The following GRIK2 variants were observed in gnomAD, a reference collection of about 807,000 sequenced individuals.
The protein encoded by GRIK2 is glutamate receptor ionotropic, kainate 2.
In GRIK2, 32 loss-of-function variants were observed where a neutral mutation model predicts 100.3. The observed-to-expected ratio is 0.32, with a 90% confidence interval of 0.24 to 0.43. The LOEUF is 0.43. Ranked by LOEUF, GRIK2 falls within the 20% of genes least tolerant of loss-of-function variation. The pLI is 1.00. For synonymous variants in GRIK2, 417 were observed against 389.4 expected, an observed-to-expected ratio of 1.07 and a Z score of -0.83; for missense variants, 843 against 1,114.9, an observed-to-expected ratio of 0.76 and a Z score of 3.47.
In GRIK2 at chr6:101,682,538, T is replaced by A. The variant is rs1309218203; in HGVS notation, c.724-15T>A. 2 of 1,156,990 alleles carry A rather than the reference T, an allele frequency of 1.7e-6. No homozygotes were observed. The highest frequency in any genetic ancestry group is 2.6e-6 in the Non-Finnish European group (2 of 772,796). 71.7% of individuals were successfully genotyped at this position (1,156,990 alleles called of 1,614,324 possible). A position where few individuals can be genotyped will look rare whatever the true frequency, so the allele number is the denominator to read the frequency against. On this transcript the variant is annotated splice_polypyrimidine_tract_variant and intron_variant, in intron 5 of 16. Coordinates refer to ENST00000369134, the MANE Select transcript of GRIK2 (RefSeq NM_021956.5). ...CCTGAAATATGTACCTTCAGTAATT[T>A]TTTTTTTTCCTTAGGCATTAGCTAT...
chr6:101,615,527 C>T (rs1779851566), intron 2 of GRIK2, among the ~76,000 whole-genome samples: 1 of 151,678 alleles, frequency 6.6e-6, no homozygotes, highest in Non-Finnish European at 1.5e-5. Flanking sequence ...TCATATAGGT[C>T]TTATGAGTCC....
At chr6:101,999,619 A>G (rs931454603) in intron 14 of GRIK2, among the ~76,000 whole-genome samples, 16 of 152,004 alleles carry the variant, frequency 1.1e-4, no homozygotes, top group Non-Finnish European at 2.1e-4. Flanking sequence ...GTAGAGTAAT[A>G]TGTTGTCTAT....
At chr6:101,453,876 A>C (rs907968390) in intron 2 of GRIK2, among the ~76,000 whole-genome samples, 19 of 152,098 alleles carry the variant, frequency 1.2e-4, no homozygotes, top group Non-Finnish European at 1.6e-4. Context: ...AAAATGTAGA[A>C]TTGCTAAATT....
intron 4 of GRIK2, among the ~76,000 whole-genome samples, chr6:101,657,579 C>T (rs1769287666): frequency 6.6e-6 from 1 of 152,022 alleles, no homozygotes. Flanking sequence ...AAGCAATGGC[C>T]AATTTGAGTA....
At chr6:101,527,419 G>T (rs1476747233) in intron 2 of GRIK2, among the ~76,000 whole-genome samples, 1 of 151,912 alleles carries the variant, frequency 6.6e-6, no homozygotes, top group African/African-American at 2.4e-5. Flanking sequence ...ATCCCCCAAA[G>T]CTCACCAAAA....
chr6:101,757,874 GT>G (rs1039688910), intron 7 of GRIK2, among the ~76,000 whole-genome samples: 2 of 152,164 alleles, frequency 1.3e-5, no homozygotes, highest in Non-Finnish European at 2.9e-5. Flanking sequence ...CATTTTAGTA[GT>G]TTTTTTCTGC....
At chr6:101,739,813 G>A (rs1356935038) in intron 7 of GRIK2, among the ~76,000 whole-genome samples, 2 of 152,096 alleles carry the variant, frequency 1.3e-5, no homozygotes, top group Non-Finnish European at 1.5e-5. Context: ...TTGCCAGTAT[G>A]TGTCATGTTT....
At chr6:102,011,561 T>A (rs1361924974) in intron 14 of GRIK2, among the ~76,000 whole-genome samples, 1 of 148,794 alleles carries the variant, frequency 6.7e-6, no homozygotes, top group Non-Finnish European at 1.5e-5. Flanking sequence ...TATTTCTTTT[T>A]TTTTTCTTTC....
At chr6:101,898,981 T>G (rs931047390) in intron 12 of GRIK2, among the ~76,000 whole-genome samples, 11 of 151,904 alleles carry the variant, frequency 7.2e-5, no homozygotes, top group African/African-American at 2.7e-4. Context: ...TCACAACACC[T>G]TAATTGCTAT....
intron 7 of GRIK2, among the ~76,000 whole-genome samples, chr6:101,696,112 C>T (rs998004999): frequency 3.3e-5 from 5 of 151,830 alleles, no homozygotes; most frequent in Non-Finnish European, 5.9e-5. Flanking sequence ...AAATGACACA[C>T]GTAACTGTAG....
intron 10 of GRIK2, among the ~76,000 whole-genome samples, chr6:101,832,690 A>G (rs1264460780): frequency 1.3e-5 from 2 of 152,230 alleles, no homozygotes; most frequent in African/African-American, 4.8e-5. Context: ...GTTTGCCTGC[A>G]TTAAGAGCCT....
At chr6:101,685,535 AG>A (rs1487102419) in intron 6 of GRIK2, among the ~76,000 whole-genome samples, 5 of 152,190 alleles carry the variant, frequency 3.3e-5, no homozygotes, top group Admixed American at 2.0e-4. Flanking sequence ...GGACAACTAA[AG>A]GGCAGAGCAA....
chr6:101,411,537 C>A (rs1482134794), intron 2 of GRIK2, among the ~76,000 whole-genome samples: 1 of 152,074 alleles, frequency 6.6e-6, no homozygotes, highest in Non-Finnish European at 1.5e-5. Flanking sequence ...AAAGATCTCA[C>A]ACACTGTGCT....
intron 2 of GRIK2, among the ~76,000 whole-genome samples, chr6:101,562,334 G>A (rs1478913463): frequency 6.6e-6 from 1 of 151,886 alleles, no homozygotes; most frequent in Admixed American, 6.6e-5. Flanking sequence ...CACACAGTTT[G>A]AGTTTTTGTT....
At chr6:101,557,181 C>A (rs1776787769) in intron 2 of GRIK2, among the ~76,000 whole-genome samples, 2 of 152,048 alleles carry the variant, frequency 1.3e-5, no homozygotes, top group South Asian at 2.1e-4. Context: ...TCATAACATG[C>A]ACTGTTAATT....
In GRIK2 at chr6:101,587,032, C is replaced by G. The variant is rs180861217; in HGVS notation, c.116-34917C>G. On this transcript the variant is annotated intron_variant, in intron 2 of 16. Coordinates refer to ENST00000369134, the MANE Select transcript of GRIK2 (RefSeq NM_021956.5). ...TCAATGGCAGCAAGAATCTTTTTGT[C>G]CATTTTATTCACAGGGTTGAGGATA... Among the ~76,000 whole-genome samples the G allele has an allele frequency of 5.7e-3, 863 of 151,802 alleles. 11 individuals carry two copies. Among genetic ancestry groups the G allele is most frequent in the African/African-American group, 0.02 (829 of 41,414 alleles).
At chr6:101,924,743 C>G in intron 13 of GRIK2, 24 bp downstream of exon 13, 1 of 1,373,460 alleles carries the variant, frequency 7.3e-7, no homozygotes, top group African/African-American at 1.4e-5. Flanking sequence ...CCTGCTATTT[C>G]CTTTGGGCAC....
chr6:101,857,555 C>T (rs1268742038), intron 10 of GRIK2, among the ~76,000 whole-genome samples: 3 of 152,120 alleles, frequency 2.0e-5, no homozygotes. Flanking sequence ...CTGTTGTTCT[C>T]CAGGGGTTGG....
chr6:101,720,241 A>C (rs1222961), intron 7 of GRIK2, among the ~76,000 whole-genome samples: 2,689 of 152,156 alleles, frequency 0.018, 81 homozygotes, highest in African/African-American at 0.062. Context: ...GAAAAAAATA[A>C]AAAATGTGTT....
Sources: gnomAD v4.1 joint callset for allele counts (sites outside exome capture counted in the v4.1 genomes callset) on GRCh38, gnomAD v4.1.1 for gene constraint, MANE v1.5 for transcripts, NCBI Gene and HGNC (gene_info 2026-07-23, HGNC 2026-07-21) for gene names.